PCNX4: variants seen among roughly 807,000 people sequenced by gnomAD.
PCNX4 encodes the protein pecanex-like protein 4.
In PCNX4, 103 loss-of-function variants were observed where a neutral mutation model predicts 107.2. The ratio of observed to expected loss-of-function variants is 0.96; its 90% confidence interval spans 0.82 to 1.13. The LOEUF (loss-of-function observed/expected upper bound fraction) is 1.13. Ranked by LOEUF, PCNX4 falls within the 50% of genes most tolerant of loss-of-function variation. PCNX4 has a pLI of 0.00. For missense variants in PCNX4, 1,528 were observed against 1,379.4 expected (o/e 1.11, Z -1.71); for synonymous variants, 541 against 481.7 (o/e 1.12, Z -1.61).
chr14:60,107,544 G>T, intron 1 of PCNX4, 42 bp from the exon 2 acceptor site: 2 of 1,088,330 alleles, frequency 1.8e-6, no homozygotes, highest in South Asian at 1.7e-5. Context: ...GGTTTTAAAT[G>T]ACATTTTCAA....
chr14:60,129,152 A>G (rs1209281635), intron 10 of PCNX4, among the ~76,000 whole-genome samples: 1 of 151,952 alleles, frequency 6.6e-6, no homozygotes, highest in Non-Finnish European at 1.5e-5. Context: ...AGGCAGGAGA[A>G]TCGCTTGAAC....
chr14:60,117,343 C>T (rs1344534449), intron 6 of PCNX4, among the ~76,000 whole-genome samples: 1 of 152,254 alleles, frequency 6.6e-6, no homozygotes, highest in South Asian at 2.1e-4. Context: ...TACACAAATA[C>T]TTAACATTGT....
chr14:60,103,491 T>C (rs1279873392), intron 1 of PCNX4, among the ~76,000 whole-genome samples: 2 of 152,242 alleles, frequency 1.3e-5, no homozygotes, highest in Non-Finnish European at 2.9e-5. Context: ...GTGGGATATA[T>C]GATCCTGTAT....
chr14:60,093,474 C>T (rs571738562), intron 1 of PCNX4, among the ~76,000 whole-genome samples: 2 of 152,218 alleles, frequency 1.3e-5, no homozygotes, highest in South Asian at 2.1e-4. Flanking sequence ...CCTTTTGTAA[C>T]GGGCTTTCAC....
At position 60,124,668 on chromosome 14, in the gene PCNX4, A is replaced by G; in HGVS notation, c.2497A>G (p.Ile833Val). 2 of 1,613,598 alleles carry G rather than the reference A, an allele frequency of 1.2e-6. No homozygotes were observed. Among genetic ancestry groups the G allele is most frequent in the African/African-American group, 1.3e-5 (1 of 75,028 alleles). Reference sequence around the variant, plus strand: ...TAATATTTTTGATGATGAGCCAACTATCAAAAAAGTAATAGAAGAAAAACA... The same window carrying G: ...TAATATTTTTGATGATGAGCCAACTGTCAAAAAAGTAATAGAAGAAAAACA... Reference protein sequence around the residue: ...DDNIFDDEPTIKKVIEEKHQL... With the variant: ...DDNIFDDEPTVKKVIEEKHQL... The change falls in exon 9 of 11, where the codon ATC (isoleucine) becomes GTC (valine). Residue 833 changes from isoleucine (I) to valine (V), a missense_variant. Coordinates refer to ENST00000406854, the MANE Select transcript of PCNX4 (RefSeq NM_001330177.2).
intron 1 of PCNX4, among the ~76,000 whole-genome samples, chr14:60,096,997 T>C (rs1895437841): frequency 6.6e-6 from 1 of 152,230 alleles, no homozygotes; most frequent in African/African-American, 2.4e-5. Flanking sequence ...AGCACACCTG[T>C]TGTTAAATTC....
In PCNX4 at chr14:60,137,490, A is replaced by C; in HGVS notation, c.*3269A>C. Reference sequence around the variant, plus strand: ...TGCAGCCGCTACCCAGAGCAAATGTAAATCCTCTCTGGACTGATCTTTTGA... The same window carrying C: ...TGCAGCCGCTACCCAGAGCAAATGTCAATCCTCTCTGGACTGATCTTTTGA... On this transcript the variant is annotated 3_prime_UTR_variant, in exon 11 of 11. Transcript: ENST00000406854. 1 of 152,378 alleles carries C rather than the reference A, an allele frequency of 6.6e-6. No individual in the cohort carries two copies. Among genetic ancestry groups the C allele is most frequent in the Middle Eastern group, 3.4e-3 (1 of 296 alleles). The allele number at this position is 152,378 out of a possible 1,614,324, so 9.4% of individuals were successfully genotyped here. A position where few individuals can be genotyped will look rare whatever the true frequency, so the allele number is the denominator to read the frequency against.
rs375123849 is a variant in PCNX4, at chr14:60,108,782, A to T, written c.689+455A>T. Reference sequence around the variant, plus strand: ...ATAGTAGAAGTAATATTGATTTTTTAAAAACCAACTTGTTACAGAAGAAAA... The same window carrying T: ...ATAGTAGAAGTAATATTGATTTTTTTAAAACCAACTTGTTACAGAAGAAAA... On this transcript the variant is annotated intron_variant, in intron 2 of 10. Transcript: ENST00000406854. 26 of 23,472 alleles carry T rather than the reference A, an allele frequency of 1.1e-3. 6 individuals carry two copies. Among genetic ancestry groups the T allele is most frequent in the African/African-American group, 1.8e-3 (25 of 14,004 alleles). 1.5% of individuals were successfully genotyped at this position (23,472 alleles called of 1,614,324 possible).
At position 60,118,460 on chromosome 14, in the gene PCNX4, T is replaced by A. The variant is rs758749937; in HGVS notation, c.1710T>A (p.Ile570=). 2 of 1,613,610 alleles carry A rather than the reference T, an allele frequency of 1.2e-6. No homozygotes were observed. Among genetic ancestry groups the A allele is most frequent in the African/African-American group, 2.7e-5 (2 of 74,902 alleles). ...CTGCCACTTTATGTATACTCAACAT[T>A]GTCTTTTCTCCATTCGTGTTGGTCA... The part of the protein sequence containing the change: ...KTTATLCILN[I]VFSPFVLVII... Residue 570 remains isoleucine (I), a synonymous_variant, in exon 7 of 11, where the codon ATT becomes ATA. Coordinates refer to ENST00000406854, the MANE Select transcript of PCNX4 (RefSeq NM_001330177.2).
chr14:60,095,019 TG>T (rs1895396358), intron 1 of PCNX4, among the ~76,000 whole-genome samples: 1 of 152,144 alleles, frequency 6.6e-6, no homozygotes, highest in East Asian at 1.9e-4. Flanking sequence ...GAATTTATAG[TG>T]GGTGTCAGTC....
intron 2 of PCNX4, 68 bp from the exon 3 acceptor site, chr14:60,114,632 T>G: frequency 7.3e-7 from 1 of 1,374,150 alleles, no homozygotes. Context: ...CTGTGTTGCT[T>G]TGCTTTTTCT....
chr14:60,118,278 T>G (rs199774597), intron 6 of PCNX4, 51 bp from the exon 7 acceptor site: 3 of 1,477,892 alleles, frequency 2.0e-6, no homozygotes, highest in Non-Finnish European at 2.7e-6. Flanking sequence ...TCTTGAAAAT[T>G]CATGAAAAAT....
chr14:60,120,952 GA>G (rs1895941395), intron 7 of PCNX4, among the ~76,000 whole-genome samples: 1 of 151,980 alleles, frequency 6.6e-6, no homozygotes, highest in East Asian at 1.9e-4. Flanking sequence ...TGTTTTTCTG[GA>G]AAATCCTTGA....
chr14:60,128,493 A>G (rs1896096464), intron 10 of PCNX4, among the ~76,000 whole-genome samples: 1 of 152,252 alleles, frequency 6.6e-6, no homozygotes, highest in Non-Finnish European at 1.5e-5. Flanking sequence ...CCCTATATCT[A>G]GCAAAGTGAT....
At position 60,116,606 on chromosome 14, in the gene PCNX4, CA is replaced by C. The variant is rs1455765121; in HGVS notation, c.1578+548del. 7.9e-5 allele frequency among the ~76,000 whole-genome samples: 12 copies of C among 152,236 alleles called. No homozygotes were observed. In the East Asian group the frequency reaches 2.3e-3, roughly 29 times the overall value. On this transcript the variant is annotated intron_variant, in intron 6 of 10. Coordinates refer to ENST00000406854, the MANE Select transcript of PCNX4 (RefSeq NM_001330177.2). ...CAGTCATATAGAAGTATAGCATATA[CA>C]ATTGTGTACAGTATGCAGTACTTGA...
At chr14:60,097,351 A>G (rs1474636616) in intron 1 of PCNX4, among the ~76,000 whole-genome samples, 1 of 152,228 alleles carries the variant, frequency 6.6e-6, no homozygotes, top group Non-Finnish European at 1.5e-5. Context: ...AACCCCTGAG[A>G]GCCCAAAGGA....
Position 60,115,702 on chromosome 14 carries a change from T to C in PCNX4, c.1358-17T>C, listed in dbSNP as rs765360722. 11 of 1,596,192 alleles carry C rather than the reference T, an allele frequency of 6.9e-6. No individual in the cohort carries two copies. Among genetic ancestry groups the C allele is most frequent in the Middle Eastern group, 1.7e-4 (1 of 5,788 alleles). ...ATTTTGCCTTAATTAAATTTCTCTC[T>C]TTTTGTTTTGTTTTAGTATCACCTT... On this transcript the variant is annotated splice_polypyrimidine_tract_variant and intron_variant, in intron 4 of 10. Coordinates refer to ENST00000406854, the MANE Select transcript of PCNX4 (RefSeq NM_001330177.2).
chr14:60,115,124 T>G lies in PCNX4; in HGVS notation c.1020T>G (p.Ser340=). ...TGGGTCACAAAATTGGAACCAAATC[T>G]AAGGATTTACCCAGTGGTCCGGAAA... ...SDMGHKIGTK[S]KDLPSGPEKH... The change falls in exon 4 of 11, where the codon TCT becomes TCG. Residue 340 remains serine, a synonymous_variant. Coordinates refer to ENST00000406854, the MANE Select transcript of PCNX4 (RefSeq NM_001330177.2). 1.6e-5 allele frequency: 26 copies of G among 1,613,892 alleles called. No individual in the cohort carries two copies. The highest frequency in any genetic ancestry group is 2.1e-5 in the Non-Finnish European group (25 of 1,179,828).
chr14:60,137,767 AC>A lies in PCNX4; in HGVS notation c.*3547del. 1 of 152,298 alleles carries A rather than the reference AC, an allele frequency of 6.6e-6. No individual in the cohort carries two copies. The highest frequency in any genetic ancestry group is 6.5e-5 in the Admixed American group (1 of 15,300). 9.4% of individuals were successfully genotyped at this position (152,298 alleles called of 1,614,324 possible). ...AGAAGAATCAATCAACAAGTCCCCA[AC>A]TTAAAAGTACATTAATCAAGTTTAA... is the stretch of plus-strand genomic sequence containing the variant. On this transcript the variant is annotated 3_prime_UTR_variant, in exon 11 of 11. Transcript: ENST00000406854.
Sources: gnomAD v4.1 joint callset for allele counts (sites outside exome capture counted in the v4.1 genomes callset) on GRCh38, gnomAD v4.1.1 for gene constraint, MANE v1.5 for transcripts, NCBI Gene and HGNC (gene_info 2026-07-23, HGNC 2026-07-21) for gene names.